The following AXL variants were observed in gnomAD, a reference collection of about 807,000 sequenced individuals.
AXL encodes the protein tyrosine-protein kinase receptor UFO.
AXL carries 52 observed loss-of-function variants against 104.5 expected under a neutral mutation model. The observed-to-expected ratio is 0.50, with a 90% CI of 0.40 to 0.63. The LOEUF (loss-of-function observed/expected upper bound fraction) is 0.63, where lower values mean the gene tolerates loss of function less well. Ranked by LOEUF, AXL falls within the 20% of genes least tolerant of loss-of-function variation. The pLI is 0.00. For missense variants in AXL, 1,024 were observed against 1,188.5 expected, an observed-to-expected ratio of 0.86 and a Z score of 2.04; for synonymous variants, 455 against 473.7, an observed-to-expected ratio of 0.96 and a Z score of 0.51.
At chr19:41,257,341 G>A in intron 18 of AXL, 152 bp from the exon 19 acceptor site, 1 of 1,147,320 alleles carries the variant, frequency 8.7e-7, no homozygotes, top group Non-Finnish European at 1.2e-6. Flanking sequence ...ACCGCACCCG[G>A]CTAAAGTATT....
intron 6 of AXL, among the ~76,000 whole-genome samples, chr19:41,234,746 G>A (rs1215895662): frequency 6.6e-6 from 1 of 152,164 alleles, no homozygotes; most frequent in Non-Finnish European, 1.5e-5. Flanking sequence ...ATCCAACACA[G>A]GACTTAGATC....
intron 2 of AXL, 91 bp from the exon 3 acceptor site, chr19:41,221,055 A>G (rs1220397806): frequency 3.0e-6 from 4 of 1,313,612 alleles, no homozygotes; most frequent in Non-Finnish European, 4.3e-6. Context: ...ATGAGCTTCC[A>G]GACTGGACAC....
chr19:41,224,015 G>A, intron 4 of AXL, among the ~76,000 whole-genome samples: 1 of 151,522 alleles, frequency 6.6e-6, no homozygotes, highest in Non-Finnish European at 1.5e-5. Flanking sequence ...CTTCAGCTTG[G>A]ATTCTGTCCC....
At chr19:41,220,932 C>A in intron 2 of AXL, 74 bp downstream of exon 2, 2 of 1,529,868 alleles carry the variant, frequency 1.3e-6, no homozygotes, top group South Asian at 1.2e-5. Context: ...TGGGTGGGAA[C>A]CCCAGTTTGA....
At chr19:41,231,444 T>C (rs530957582) in intron 6 of AXL, 146 bp downstream of exon 6, 13 of 751,380 alleles carry the variant, frequency 1.7e-5, no homozygotes, top group Non-Finnish European at 2.5e-5. Context: ...ATGTCCTGGG[T>C]TCGAATCCTA....
Position 41,260,913 on chromosome 19 carries a change from G to C in AXL, c.*1009G>C, listed in dbSNP as rs1304261251. 1 of 152,082 alleles carries C rather than the reference G, an allele frequency of 6.6e-6. No homozygotes were observed. Among genetic ancestry groups the C allele is most frequent in the Non-Finnish European group, 1.5e-5 (1 of 68,004 alleles). 9.4% of individuals were successfully genotyped at this position (152,082 alleles called of 1,614,324 possible). A position where few individuals can be genotyped will look rare whatever the true frequency, so the allele number is the denominator to read the frequency against. ...TGGCTGTAAGGCTCTAGATCATAAG[G>C]CTTCAAAATGTTATCTTCTCAAGTT... On this transcript the variant is annotated 3_prime_UTR_variant, in exon 20 of 20. Transcript: ENST00000301178.
rs543744297 is a variant in AXL, at chr19:41,243,099, G to A, written c.1445+84G>A. On this transcript the variant is annotated intron_variant, in intron 11 of 19. Transcript: ENST00000301178. ...GAGGCCAGTGAGGAGGCTGGTGCAG[G>A]AGGAGTGATGACTAAGAATCAGAAT... 151 of 1,579,708 alleles carry A rather than the reference G, an allele frequency of 9.6e-5. 1 individual carries two copies. The South Asian group carries it at 1.4e-3, about 15-fold the overall frequency.
chr19:41,247,349 A>G (rs1439822663), intron 12 of AXL, among the ~76,000 whole-genome samples: 3 of 152,186 alleles, frequency 2.0e-5, no homozygotes, highest in African/African-American at 4.8e-5. Flanking sequence ...CCCCGTCTCT[A>G]CTAAAAATAC....
chr19:41,257,445 G>T, intron 18 of AXL, 48 bp from the exon 19 acceptor site: 7 of 1,612,074 alleles, frequency 4.3e-6, no homozygotes, highest in Non-Finnish European at 5.9e-6. Flanking sequence ...TATTGGTGCG[G>T]GTGATTCTGT....
rs747279308 is a variant in AXL at position 41,220,783 on chromosome 19, T to A, written c.233T>A (p.Leu78His). 6.2e-7 allele frequency: 1 copy of A among 1,614,050 alleles called. No homozygotes were observed. Among genetic ancestry groups the A allele is most frequent in the East Asian group, 2.2e-5 (1 of 44,846 alleles). Residue 78 changes from leucine to histidine, a missense_variant, in exon 2 of 20, where the codon CTC becomes CAC. Physicochemically the swap from Leu to His is moderately conservative, Grantham distance 99 (BLOSUM62 -3). Around this residue, in one of 5 missense-constraint regions of AXL, gnomAD observed 124 missense variants for 115.5 expected, o/e 1.07. Coordinates refer to ENST00000301178, the MANE Select transcript of AXL (RefSeq NM_021913.5). ...HWLRDGQILE[L>H]ADSTQTQVPL... ...CTTCGGGATGGACAGATCCTGGAGCTCGCGGACAGCACCCAGACCCAGGTG... is the reference window on the plus strand; with the variant it reads ...CTTCGGGATGGACAGATCCTGGAGCACGCGGACAGCACCCAGACCCAGGTG...
intron 14 of AXL, among the ~76,000 whole-genome samples, chr19:41,250,467 G>A (rs1041285450): frequency 5.3e-5 from 8 of 152,122 alleles, no homozygotes; most frequent in African/African-American, 1.9e-4. Context: ...TTTTGAGGAG[G>A]AGTCTCACTC....
chr19:41,222,341 C>T (rs1429072943), intron 4 of AXL, among the ~76,000 whole-genome samples: 1 of 152,134 alleles, frequency 6.6e-6, no homozygotes, highest in Non-Finnish European at 1.5e-5. Context: ...TCTCTCCCTC[C>T]ATTCACCCCG....
intron 4 of AXL, 35 bp downstream of exon 4, chr19:41,222,091 G>C (rs1174254813): frequency 6.8e-7 from 1 of 1,475,634 alleles, no homozygotes; most frequent in South Asian, 1.4e-5. Flanking sequence ...TCCGAATAGG[G>C]GGCCGGGCAG....
At chr19:41,238,249 CT>C in intron 7 of AXL, 95 bp downstream of exon 7, 1 of 1,478,634 alleles carries the variant, frequency 6.8e-7, no homozygotes, top group Admixed American at 1.8e-5. Flanking sequence ...TCCTTTACCC[CT>C]CATGGCCTCA....
intron 4 of AXL, among the ~76,000 whole-genome samples, chr19:41,230,452 G>T (rs1245798255): frequency 6.6e-6 from 1 of 150,698 alleles, no homozygotes; most frequent in African/African-American, 2.4e-5. Context: ...GTGGTTGTGT[G>T]TCTTCATGTG....
intron 8 of AXL, 56 bp downstream of exon 8, chr19:41,238,665 A>G (rs2034127123): frequency 1.3e-6 from 2 of 1,550,652 alleles, no homozygotes; most frequent in South Asian, 2.4e-5. Context: ...GGAGGAGAAC[A>G]TATCAGGGCA....
At position 41,253,491 on chromosome 19, in the gene AXL, A is replaced by G. The variant is rs938618987; in HGVS notation, c.1927-108A>G. On this transcript the variant is annotated intron_variant, in intron 16 of 19. Transcript: ENST00000301178. ...GGGGTTGGGTTGAATTGTCAGGGCC[A>G]TGGGAAACCACTGCGGGCAGAGCTA... The G allele has an allele frequency of 6.1e-6, 5 of 825,190 alleles. No homozygotes were observed. In the Admixed American group the frequency reaches 6.3e-5, roughly 10 times the overall value. 51.1% of individuals were successfully genotyped at this position (825,190 alleles called of 1,614,324 possible). A position where few individuals can be genotyped will look rare whatever the true frequency, so the allele number is the denominator to read the frequency against.
chr19:41,225,335 G>C (rs941660509), intron 4 of AXL, among the ~76,000 whole-genome samples: 3 of 152,114 alleles, frequency 2.0e-5, no homozygotes, highest in African/African-American at 7.2e-5. Flanking sequence ...TCTGTGTCTG[G>C]GTGAACATGA....
intron 4 of AXL, among the ~76,000 whole-genome samples, chr19:41,230,301 T>G (rs1257774638): frequency 6.7e-6 from 1 of 148,666 alleles, no homozygotes; most frequent in Non-Finnish European, 1.5e-5. Flanking sequence ...TGAGTATGTA[T>G]CTCTCTCTGG....
Sources: allele counts gnomAD v4.1 joint callset (sites outside exome capture counted in the v4.1 genomes callset), GRCh38; gene constraint gnomAD v4.1.1; regional missense constraint gnomAD v4.1.1; transcripts MANE v1.5; gene names NCBI Gene and HGNC (gene_info 2026-07-23, HGNC 2026-07-21).